The following PCNX1 variants were observed in gnomAD, a reference collection of about 807,000 sequenced individuals.
The protein encoded by PCNX1 is pecanex 1.
PCNX1 carries 78 observed loss-of-function variants against 242.2 expected under a neutral mutation model. That is an observed-to-expected ratio of 0.32 (90% CI 0.27 to 0.39). PCNX1 has a LOEUF of 0.39. Among genes scored for constraint, PCNX1 ranks in the 10% least tolerant of loss-of-function variants. The pLI, the probability that PCNX1 is intolerant of heterozygous loss-of-function variation, is 1.00. For synonymous variants in PCNX1, 1,024 were observed against 1,032.9 expected, an observed-to-expected ratio of 0.99 and a Z score of 0.17; for missense variants, 2,581 against 2,856.5, an observed-to-expected ratio of 0.90 and a Z score of 2.20.
intron 5 of PCNX1, among the ~76,000 whole-genome samples, chr14:70,971,487 T>C (rs556730487): frequency 6.6e-6 from 1 of 152,370 alleles, no homozygotes; most frequent in East Asian, 1.9e-4. Context: ...TTTTTCCATA[T>C]GTTTAACATT....
Position 71,045,149 on chromosome 14 carries a change from T to C in PCNX1, c.3884T>C (p.Val1295Ala). Residue 1295 changes from valine to alanine, a missense_variant, in exon 20 of 36, where the codon GTG becomes GCG. Physicochemically the swap from Val to Ala is moderately conservative, Grantham distance 64. Coordinates refer to ENST00000304743, the MANE Select transcript of PCNX1 (RefSeq NM_014982.3). The part of the protein sequence containing the change: ...FTVLQPALKY[V>A]LYTLVGFVGF... The stretch of plus-strand genomic sequence containing the variant: ...TTTTTTTAGCCTGCCCTCAAGTATG[T>C]GTTGTATACATTGGTTGGCTTTGTG... 1 of 1,606,930 alleles carries C rather than the reference T, an allele frequency of 6.2e-7. No homozygotes were observed.
chr14:71,049,911 C>A (rs1303025233), intron 22 of PCNX1, among the ~76,000 whole-genome samples: 1 of 152,200 alleles, frequency 6.6e-6, no homozygotes, highest in Admixed American at 6.5e-5. Flanking sequence ...GCATATTCAA[C>A]CTTAAATGAA....
chr14:71,067,844 T>G (rs986001800), intron 26 of PCNX1, among the ~76,000 whole-genome samples: 1 of 152,160 alleles, frequency 6.6e-6, no homozygotes, highest in Non-Finnish European at 1.5e-5. Context: ...TATATATTTC[T>G]GCCTTCATTT....
intron 14 of PCNX1, among the ~76,000 whole-genome samples, 156 bp from the exon 15 acceptor site, chr14:71,026,616 G>A (rs1244307503): frequency 6.6e-6 from 1 of 151,974 alleles, no homozygotes; most frequent in African/African-American, 2.4e-5. Flanking sequence ...TACTACCCAA[G>A]CAATTATGTT....
intron 6 of PCNX1, among the ~76,000 whole-genome samples, chr14:70,982,860 G>A (rs1348360254): frequency 3.9e-5 from 6 of 152,144 alleles, no homozygotes; most frequent in Non-Finnish European, 8.8e-5. Context: ...TATTCTGGCA[G>A]GCCATTAAAT....
rs555010266 is a variant in PCNX1, at chr14:70,949,253, A to G, written c.362+2130A>G. ...TGTATGTGTATATACACACGTGTAT[A>G]CACACACACGTGTATGCACACACGT... On this transcript the variant is annotated intron_variant, in intron 2 of 35. Coordinates refer to ENST00000304743, the MANE Select transcript of PCNX1 (RefSeq NM_014982.3). Among the ~76,000 whole-genome samples the G allele has an allele frequency of 2.9e-4, 20 of 67,948 alleles. 1 individual carries two copies. The South Asian group carries it at 0.011, about 36-fold the overall frequency. The allele number at this position is 67,948 out of a possible 152,430, so 44.6% of individuals were successfully genotyped here. A position where few individuals can be genotyped will look rare whatever the true frequency, so the allele number is the denominator to read the frequency against.
In PCNX1 at chr14:71,009,673, A is replaced by T. The variant is rs1449422254; in HGVS notation, c.2669A>T (p.Asp890Val). ...SSTLYETGGC[D>V]MSLVNFEPAA... ...ACGCTGTATGAGACTGGTGGCTGTG[A>T]TATGTCACTTGTGAATTTTGAACCA... Residue 890 changes from aspartate to valine, a missense_variant, in exon 9 of 36, where the codon GAT becomes GTT. Physicochemically the swap from Asp to Val is radical, Grantham distance 152. Around this residue, in one of 9 missense-constraint regions of PCNX1, gnomAD observed 1,204 missense variants for 1,216.7 expected, o/e 0.99. Coordinates refer to ENST00000304743, the MANE Select transcript of PCNX1 (RefSeq NM_014982.3). 1 of 1,604,848 alleles carries T rather than the reference A, an allele frequency of 6.2e-7. No individual in the cohort carries two copies. The highest frequency in any genetic ancestry group is 8.5e-7 in the Non-Finnish European group (1 of 1,173,282).
chr14:71,021,579 T>A (rs2060102166), intron 12 of PCNX1, among the ~76,000 whole-genome samples: 1 of 152,150 alleles, frequency 6.6e-6, no homozygotes, highest in Non-Finnish European at 1.5e-5. Context: ...GCCACCTAGG[T>A]CATCTGCTTT....
intron 11 of PCNX1, among the ~76,000 whole-genome samples, chr14:71,018,105 A>G (rs2060005855): frequency 6.6e-6 from 1 of 152,050 alleles, no homozygotes; most frequent in African/African-American, 2.4e-5. Context: ...TATATGTTTA[A>G]TTTTTTAATA....
chr14:71,013,575 C>G (rs2059881125), intron 11 of PCNX1, among the ~76,000 whole-genome samples: 1 of 122,420 alleles, frequency 8.2e-6, no homozygotes, highest in Non-Finnish European at 2.0e-5. Flanking sequence ...CTTAACACTA[C>G]TCTCTTAATG....
At chr14:70,979,204 A>AT (rs770449315) in intron 6 of PCNX1, among the ~76,000 whole-genome samples, 1 of 152,014 alleles carries the variant, frequency 6.6e-6, no homozygotes, top group East Asian at 1.9e-4. Flanking sequence ...CGAAAATACT[A>AT]TTTTTTTCTA....
intron 26 of PCNX1, among the ~76,000 whole-genome samples, chr14:71,066,859 G>A (rs1347487500): frequency 1.3e-5 from 2 of 152,152 alleles, no homozygotes; most frequent in African/African-American, 4.8e-5. Context: ...TGCATCTATT[G>A]AGATAATCAT....
At chr14:71,064,310 A>G (rs1398766444) in intron 26 of PCNX1, among the ~76,000 whole-genome samples, 2 of 152,136 alleles carry the variant, frequency 1.3e-5, no homozygotes, top group Non-Finnish European at 1.5e-5. Flanking sequence ...TGAGCAAAAT[A>G]TATTAGTAGG....
At chr14:70,992,767 A>T (rs2059206319) in intron 7 of PCNX1, among the ~76,000 whole-genome samples, 2 of 152,232 alleles carry the variant, frequency 1.3e-5, no homozygotes, top group South Asian at 2.1e-4. Flanking sequence ...GGTAGTTTTG[A>T]CATAGAAGCG....
chr14:70,985,542 TG>T (rs1211684512), intron 6 of PCNX1, among the ~76,000 whole-genome samples: 1 of 152,218 alleles, frequency 6.6e-6, no homozygotes, highest in African/African-American at 2.4e-5. Context: ...TTATTATGAT[TG>T]TGAAGTCAGT....
Position 71,110,718 on chromosome 14 carries a change from G to A in PCNX1, c.*783G>A, listed in dbSNP as rs1264941467. On this transcript the variant is annotated 3_prime_UTR_variant, in exon 36 of 36. Transcript: ENST00000304743. Reference sequence around the variant, plus strand: ...GTGAATATAGAATCTCAAGATATACGTAGCTTCATCATTGACATTTCCCAG... The same window carrying A: ...GTGAATATAGAATCTCAAGATATACATAGCTTCATCATTGACATTTCCCAG... 5 of 152,438 alleles carry A rather than the reference G, an allele frequency of 3.3e-5. No individual in the cohort carries two copies. Among genetic ancestry groups the A allele is most frequent in the Non-Finnish European group, 5.9e-5 (4 of 68,066 alleles). The allele number at this position is 152,438 out of a possible 1,614,324, so 9.4% of individuals were successfully genotyped here.
At chr14:71,080,814 A>G (rs1233167940) in intron 28 of PCNX1, among the ~76,000 whole-genome samples, 1 of 152,334 alleles carries the variant, frequency 6.6e-6, no homozygotes, top group Non-Finnish European at 1.5e-5. Context: ...TCATCTGGAA[A>G]CAGAGACAAT....
At chr14:71,033,586 G>T in intron 17 of PCNX1, 48 bp downstream of exon 17, 1 of 1,077,670 alleles carries the variant, frequency 9.3e-7, no homozygotes, top group Admixed American at 1.9e-5. Flanking sequence ...TAAGTAAGTT[G>T]GTGTTTTTTT....
intron 1 of PCNX1, among the ~76,000 whole-genome samples, chr14:70,926,225 G>C (rs906843215): frequency 1.3e-5 from 2 of 152,136 alleles, no homozygotes; most frequent in Non-Finnish European, 2.9e-5. Flanking sequence ...TTGTTCTGTG[G>C]CACACATTAT....
Sources: gnomAD v4.1 joint callset for allele counts (sites outside exome capture counted in the v4.1 genomes callset) on GRCh38, gnomAD v4.1.1 for gene constraint, gnomAD v4.1.1 regional missense constraint, MANE v1.5 for transcripts, NCBI Gene and HGNC (gene_info 2026-07-23, HGNC 2026-07-21) for gene names.